CEMIP: variants seen among roughly 807,000 people sequenced by gnomAD.
CEMIP encodes cell migration-inducing and hyaluronan-binding protein.
In CEMIP, 105 loss-of-function variants were observed where a neutral mutation model predicts 156.9. The observed-to-expected ratio is 0.67, with a 90% CI of 0.57 to 0.79. The LOEUF is 0.79. Among genes scored for constraint, CEMIP ranks in the 30% least tolerant of loss-of-function variants. The pLI is 0.00. For missense variants in CEMIP, 1,457 were observed against 1,769.4 expected (o/e 0.82, Z 3.17); for synonymous variants, 676 against 668.4 (o/e 1.01, Z -0.17).
At chr15:80,846,897 T>C (rs1296846175) in intron 1 of CEMIP, among the ~76,000 whole-genome samples, 1 of 152,228 alleles carries the variant, frequency 6.6e-6, no homozygotes, top group Admixed American at 6.5e-5. Context: ...TTCCTGGCTG[T>C]GCACTGGAAG....
chr15:80,826,084 T>C (rs1294348618), intron 1 of CEMIP, among the ~76,000 whole-genome samples: 1 of 152,218 alleles, frequency 6.6e-6, no homozygotes, highest in Non-Finnish European at 1.5e-5. Flanking sequence ...TTTTCATTCA[T>C]TTAGTGTTAA....
chr15:80,838,206 G>T (rs992230167), intron 1 of CEMIP, among the ~76,000 whole-genome samples: 1 of 152,300 alleles, frequency 6.6e-6, no homozygotes, highest in Non-Finnish European at 1.5e-5. Flanking sequence ...GGAGGGTGGG[G>T]ACGAGTCATT....
chr15:80,845,946 C>T (rs1897544345), intron 1 of CEMIP, among the ~76,000 whole-genome samples: 1 of 152,206 alleles, frequency 6.6e-6, no homozygotes, highest in Admixed American at 6.5e-5. Context: ...CTGACACACC[C>T]ACCTCAGACA....
At chr15:80,944,460 C>A (rs1395916851) in intron 28 of CEMIP, among the ~76,000 whole-genome samples, 1 of 152,028 alleles carries the variant, frequency 6.6e-6, no homozygotes, top group African/African-American at 2.4e-5. Context: ...CACTCAGGAG[C>A]CACAACCTGG....
rs78411243 is a variant in CEMIP, at chr15:80,831,131, A to T, written c.-175-42407A>T. 5.3e-5 allele frequency among the ~76,000 whole-genome samples: 8 copies of T among 152,322 alleles called. No homozygotes were observed. The East Asian group carries it at 1.5e-3, about 29-fold the overall frequency. On this transcript the variant is annotated intron_variant, in intron 1 of 29. Transcript: ENST00000394685. ...AACCTGGAAATTTGGGAGGTGTGGG[A>T]AACGGGTGACCTCAGGAGACTGATA...
intron 5 of CEMIP, among the ~76,000 whole-genome samples, chr15:80,880,551 TC>T (rs1194291295): frequency 6.6e-6 from 1 of 152,204 alleles, no homozygotes; most frequent in East Asian, 1.9e-4. Flanking sequence ...TTCTGGTGCC[TC>T]AGCTTCCCAA....
intron 28 of CEMIP, among the ~76,000 whole-genome samples, chr15:80,944,471 TG>T (rs138375088): frequency 0.012 from 1,846 of 152,222 alleles, 16 homozygotes; most frequent in Non-Finnish European, 0.019. Context: ...CACAACCTGG[TG>T]GAAAGTCTAA....
At chr15:80,910,457 C>T (rs1900008397) in intron 14 of CEMIP, among the ~76,000 whole-genome samples, 1 of 152,236 alleles carries the variant, frequency 6.6e-6, no homozygotes, top group Non-Finnish European at 1.5e-5. Flanking sequence ...GAGCGAGCCT[C>T]GCCAACAGGC....
chr15:80,889,373 A>T, intron 9 of CEMIP, 98 bp from the exon 10 acceptor site: 1 of 1,537,448 alleles, frequency 6.5e-7, no homozygotes, highest in South Asian at 1.1e-5. Flanking sequence ...GATAATATTC[A>T]GTTCCCATGG....
intron 9 of CEMIP, 133 bp from the exon 10 acceptor site, chr15:80,889,338 C>A: frequency 1.6e-6 from 2 of 1,263,414 alleles, no homozygotes; most frequent in Non-Finnish European, 2.3e-6. Flanking sequence ...GCCATCCATG[C>A]CCCAGCCTGG....
chr15:80,873,930 C>T lies in CEMIP; in HGVS notation c.51C>T (p.Ile17=), dbSNP rs1898380685. 6.3e-7 allele frequency: 1 copy of T among 1,577,504 alleles called. No homozygotes were observed. The highest frequency in any genetic ancestry group is 1.3e-5 in the African/African-American group (1 of 74,694). The change falls in exon 3 of 30, where the codon ATC becomes ATT. Residue 17 remains isoleucine, a synonymous_variant. Transcript: ENST00000394685. ...TCCTCTTCAAGGCCATGCTGACCAT[C>T]AGCTGGCTCACTCTGACCTGCTTCC... ...QDFLFKAMLT[I]SWLTLTCFPG... is the part of the protein sequence containing the mutation.
At chr15:80,835,098 AGAGAG>A (rs1596121389) in intron 1 of CEMIP, among the ~76,000 whole-genome samples, 1 of 152,232 alleles carries the variant, frequency 6.6e-6, no homozygotes, top group East Asian at 1.9e-4. Context: ...AGAGAGAGAG[AGAGAG>A]AAAGAGACAG....
At position 80,921,103 on chromosome 15, in the gene CEMIP, T is replaced by C. The variant is rs753226245; in HGVS notation, c.2073+2T>C. The C allele has an allele frequency of 4.3e-6, 7 of 1,613,614 alleles. No homozygotes were observed. Among genetic ancestry groups the C allele is most frequent in the Non-Finnish European group, 5.9e-6 (7 of 1,179,748 alleles). The stretch of plus-strand genomic sequence containing the variant: ...AACTGTGCCGCTGCAGGATCTGAGG[T>C]GAGCAGAAATATTCCTTCTTTGGCA... On this transcript the variant is annotated splice_donor_variant, in intron 16 of 29. Transcript: ENST00000394685. LOFTEE classifies it high-confidence loss of function.
intron 28 of CEMIP, among the ~76,000 whole-genome samples, chr15:80,945,927 T>A (rs1901534128): frequency 6.6e-6 from 1 of 152,242 alleles, no homozygotes; most frequent in Admixed American, 6.5e-5. Flanking sequence ...GTCGAACTTT[T>A]GCAATTTGGG....
At chr15:80,899,932 A>G (rs1017653812) in intron 12 of CEMIP, among the ~76,000 whole-genome samples, 1 of 152,160 alleles carries the variant, frequency 6.6e-6, no homozygotes, top group Non-Finnish European at 1.5e-5. Context: ...ATCTGAGCTG[A>G]TGTCACTGCT....
rs189171730 is a variant in CEMIP, at chr15:80,946,504, C to T, written c.3858-461C>T. The T allele has an allele frequency of 2.5e-4, 46 of 180,708 alleles. 1 individual carries two copies. The highest frequency in any genetic ancestry group is 9.9e-4 in the African/African-American group (42 of 42,634). 11.2% of individuals were successfully genotyped at this position (180,708 alleles called of 1,614,324 possible). A position where few individuals can be genotyped will look rare whatever the true frequency, so the allele number is the denominator to read the frequency against. On this transcript the variant is annotated intron_variant, in intron 28 of 29. Transcript: ENST00000394685. Reference sequence around the variant, plus strand: ...TTATGATTTGACAGATGCTCCCCTCCGCCTTCCCGCACCTCCTCTCTTTCT... The same window carrying T: ...TTATGATTTGACAGATGCTCCCCTCTGCCTTCCCGCACCTCCTCTCTTTCT...
At chr15:80,923,968 A>G (rs1462250157) in intron 17 of CEMIP, among the ~76,000 whole-genome samples, 1 of 152,204 alleles carries the variant, frequency 6.6e-6, no homozygotes, top group Non-Finnish European at 1.5e-5. Context: ...AGTGCCCTCC[A>G]GTTATCTAAA....
In CEMIP at chr15:80,937,862, A is replaced by C. The variant is rs373530774; in HGVS notation, c.3290A>C (p.His1097Pro). 6.2e-7 allele frequency: 1 copy of C among 1,614,086 alleles called. No individual in the cohort carries two copies. Among genetic ancestry groups the C allele is most frequent in the African/African-American group, 1.3e-5 (1 of 74,926 alleles). The change falls in exon 25 of 30, where the codon CAC becomes CCC. Residue 1097 changes from histidine to proline, a missense_variant. Physicochemically the swap from His to Pro is moderately conservative, Grantham distance 77. This residue lies in a region of CEMIP where 798 missense variants were observed against 980.1 expected (regional missense o/e 0.81). Coordinates refer to ENST00000394685, the MANE Select transcript of CEMIP (RefSeq NM_001293298.2). Reference sequence around the variant, plus strand: ...ACATTCTCCATCCTCTCGGATGTTCACAATCGCCTGCTGAAGCAAACGTCC... The same window carrying C: ...ACATTCTCCATCCTCTCGGATGTTCCCAATCGCCTGCTGAAGCAAACGTCC... ...GTTFSILSDVHNRLLKQTSKT... is the reference protein window; with the variant it reads ...GTTFSILSDVPNRLLKQTSKT...
At chr15:80,862,121 G>A (rs1756311104) in intron 1 of CEMIP, among the ~76,000 whole-genome samples, 1 of 152,334 alleles carries the variant, frequency 6.6e-6, no homozygotes, top group African/African-American at 2.4e-5. Context: ...GATGATGCCT[G>A]GGGAAGCCAG....
Sources: gnomAD v4.1 joint callset for allele counts (sites outside exome capture counted in the v4.1 genomes callset) on GRCh38, gnomAD v4.1.1 for gene constraint, gnomAD v4.1.1 regional missense constraint, MANE v1.5 for transcripts, NCBI Gene and HGNC (gene_info 2026-07-23, HGNC 2026-07-21) for gene names.